Variants in FERMT2 observed in about 807,000 individuals in gnomAD.
The protein encoded by FERMT2 is FERM domain containing kindlin 2, also known as fermitin family homolog 2.
A neutral mutation model predicts 82.7 loss-of-function variants in FERMT2; 15 were observed. That is an observed-to-expected ratio of 0.18 (90% CI 0.12 to 0.28). The LOEUF is 0.28. Among genes scored for constraint, FERMT2 ranks in the 10% least tolerant of loss-of-function variants. The pLI is 1.00. For synonymous variants in FERMT2, 274 were observed against 271.5 expected, an observed-to-expected ratio of 1.01 and a Z score of -0.09; for missense variants, 645 against 809.4, an observed-to-expected ratio of 0.80 and a Z score of 2.46.
intron 10 of FERMT2, among the ~76,000 whole-genome samples, chr14:52,867,898 T>C (rs192070614): frequency 6.6e-6 from 1 of 152,312 alleles, no homozygotes; most frequent in Non-Finnish European, 1.5e-5. Context: ...ACTTCCTCAG[T>C]ATCTATTCAA....
At chr14:52,941,519 T>C (rs1170838989) in intron 2 of FERMT2, among the ~76,000 whole-genome samples, 2 of 152,206 alleles carry the variant, frequency 1.3e-5, no homozygotes, top group African/African-American at 4.8e-5. Flanking sequence ...ATAACGAATA[T>C]GAATTTGTAA....
chr14:52,877,421 G>C (rs1385949572), intron 7 of FERMT2, among the ~76,000 whole-genome samples: 1 of 151,928 alleles, frequency 6.6e-6, no homozygotes, highest in East Asian at 1.9e-4. Flanking sequence ...GAATTATCTG[G>C]AAACACAATA....
At chr14:52,874,080 G>A (rs898934090) in intron 9 of FERMT2, 97 bp downstream of exon 9, 8 of 670,212 alleles carry the variant, frequency 1.2e-5, no homozygotes, top group African/African-American at 1.9e-5. Context: ...CAGTAGATGC[G>A]TTTGTTAGTC....
intron 2 of FERMT2, chr14:52,928,043 A>G (rs1310607899): frequency 1.0e-5 from 4 of 383,666 alleles, no homozygotes; most frequent in Middle Eastern, 3.7e-4. Flanking sequence ...AAGTAACCAC[A>G]TCTTAAAAAT....
chr14:52,929,536 ATCCTGTGCTACTC>A (rs1889467129), intron 2 of FERMT2, among the ~76,000 whole-genome samples: 1 of 152,102 alleles, frequency 6.6e-6, no homozygotes. Flanking sequence ...CTCCAAATTT[ATCCTGTGCTACTC>A]TTCCTTTGCT....
At chr14:52,946,012 G>A (rs2139712065) in intron 2 of FERMT2, among the ~76,000 whole-genome samples, 1 of 152,192 alleles carries the variant, frequency 6.6e-6, no homozygotes, top group Non-Finnish European at 1.5e-5. Flanking sequence ...GAGTAGCTGG[G>A]ACTACAGGTG....
At chr14:52,909,070 G>T (rs1032142200) in intron 3 of FERMT2, among the ~76,000 whole-genome samples, 3 of 152,150 alleles carry the variant, frequency 2.0e-5, no homozygotes, top group Admixed American at 6.5e-5. Flanking sequence ...GGGCCAGGAG[G>T]ATGTGAGGGG....
chr14:52,912,850 A>T (rs1167619650), intron 3 of FERMT2, among the ~76,000 whole-genome samples: 2 of 152,156 alleles, frequency 1.3e-5, no homozygotes, highest in Non-Finnish European at 2.9e-5. Flanking sequence ...GATAGGATTA[A>T]CTGATCCTTA....
intron 8 of FERMT2, 123 bp downstream of exon 8, chr14:52,875,100 T>A (rs895762048): frequency 3.6e-6 from 3 of 826,558 alleles, no homozygotes; most frequent in Non-Finnish European, 5.6e-6. Context: ...TAACATCTGA[T>A]TTCTCTCTCT....
chr14:52,881,583 A>C (rs993792200), intron 4 of FERMT2, 114 bp from the exon 5 acceptor site: 49 of 905,572 alleles, frequency 5.4e-5, no homozygotes, highest in Non-Finnish European at 1.0e-5. Context: ...TTATTCTGAA[A>C]GGAAAGCTTA....
At chr14:52,926,809 C>T (rs1204505539) in intron 2 of FERMT2, among the ~76,000 whole-genome samples, 1 of 152,030 alleles carries the variant, frequency 6.6e-6, no homozygotes, top group East Asian at 1.9e-4. Flanking sequence ...ATAAATTTGG[C>T]TTGTTTAGTA....
At chr14:52,928,010 A>G (rs921700933) in intron 2 of FERMT2, 2 of 389,922 alleles carry the variant, frequency 5.1e-6, no homozygotes, top group Admixed American at 6.3e-5. Context: ...AAGTTGATCA[A>G]ATAACTTACT....
chr14:52,870,733 T>A (rs1885568041), intron 10 of FERMT2, among the ~76,000 whole-genome samples: 1 of 152,222 alleles, frequency 6.6e-6, no homozygotes, highest in East Asian at 1.9e-4. Context: ...GTACACACAC[T>A]CCATAATGTT....
intron 3 of FERMT2, among the ~76,000 whole-genome samples, chr14:52,918,808 T>C (rs4901312): frequency 0.096 from 14,545 of 152,258 alleles, 794 homozygotes; most frequent in Middle Eastern, 0.17. Flanking sequence ...TAGTGACTTA[T>C]GTGAAGGAAA....
At chr14:52,942,452 AC>A (rs1284260435) in intron 2 of FERMT2, among the ~76,000 whole-genome samples, 1 of 151,366 alleles carries the variant, frequency 6.6e-6, no homozygotes, top group Non-Finnish European at 1.5e-5. Flanking sequence ...ACAGGCGCCC[AC>A]CACCACGCCC....
chr14:52,886,442 T>G (rs996870360), intron 4 of FERMT2, among the ~76,000 whole-genome samples: 3 of 152,178 alleles, frequency 2.0e-5, no homozygotes, highest in Admixed American at 6.5e-5. Flanking sequence ...GAGATCCTCC[T>G]GTCTCAGCCT....
chr14:52,875,123 ATT>A lies in FERMT2; in HGVS notation c.1098+98_1098+99del, dbSNP rs1885875669. ...GATTTCTCTCTCTAAAGCATTAAAT[ATT>A]TCTCTCCACCACCCCCAAATACTTT... On this transcript the variant is annotated intron_variant, in intron 8 of 14. Coordinates refer to ENST00000341590, the MANE Select transcript of FERMT2 (RefSeq NM_006832.3). 5.9e-6 allele frequency: 6 copies of A among 1,014,964 alleles called. No homozygotes were observed. The Admixed American group carries it at 7.2e-5, about 12-fold the overall frequency. 62.9% of individuals were successfully genotyped at this position (1,014,964 alleles called of 1,614,324 possible). A position where few individuals can be genotyped will look rare whatever the true frequency, so the allele number is the denominator to read the frequency against.
chr14:52,901,473 G>T (rs139224929), intron 3 of FERMT2, among the ~76,000 whole-genome samples: 7 of 152,234 alleles, frequency 4.6e-5, no homozygotes, highest in African/African-American at 1.7e-4. Flanking sequence ...CTTATCAAAT[G>T]ATTTTAGGGA....
intron 3 of FERMT2, among the ~76,000 whole-genome samples, chr14:52,905,260 A>G (rs1887937383): frequency 1.3e-5 from 2 of 152,096 alleles, no homozygotes; most frequent in Admixed American, 6.6e-5. Flanking sequence ...ATCAAGAAGT[A>G]ACAGTATAAG....
Sources: allele counts gnomAD v4.1 joint callset (sites outside exome capture counted in the v4.1 genomes callset), GRCh38; gene constraint gnomAD v4.1.1; transcripts MANE v1.5; gene names NCBI Gene and HGNC (gene_info 2026-07-23, HGNC 2026-07-21).